The following GALNT13 variants were observed in gnomAD, a reference collection of about 807,000 sequenced individuals.
The protein encoded by GALNT13 is UDP-GalNAc:polypeptide N-acetylgalactosaminyltransferase 13.
GALNT13 carries 28 observed loss-of-function variants against 64.2 expected under a neutral mutation model. The observed-to-expected ratio is 0.44, with a 90% CI of 0.32 to 0.60. GALNT13 has a LOEUF of 0.60. Among genes scored for constraint, GALNT13 ranks in the 20% least tolerant of loss-of-function variants. The pLI, the probability that GALNT13 is intolerant of heterozygous loss-of-function variation, is 0.05. For synonymous variants in GALNT13, 214 were observed against 224.6 expected, an observed-to-expected ratio of 0.95 and a Z score of 0.42; for missense variants, 577 against 669.8, an observed-to-expected ratio of 0.86 and a Z score of 1.53.
chr2:153,621,783 C>G, the GALNT13 span, among the ~76,000 whole-genome samples: 1 of 152,068 alleles, frequency 6.6e-6, no homozygotes, highest in Non-Finnish European at 1.5e-5. Flanking sequence ...ATGACCCAAG[C>G]TCCTTTAAGT....
intron 4 of GALNT13, among the ~76,000 whole-genome samples, chr2:154,217,128 T>C (rs1420723542): frequency 1.3e-5 from 2 of 151,948 alleles, no homozygotes; most frequent in African/African-American, 4.8e-5. Flanking sequence ...AGTTGCTTCT[T>C]ACAAAAAGAC....
intron 2 of GALNT13, among the ~76,000 whole-genome samples, chr2:153,911,916 G>A (rs1271091399): frequency 6.6e-6 from 1 of 152,042 alleles, no homozygotes; most frequent in Admixed American, 6.6e-5. Flanking sequence ...TTTTGTGGGG[G>A]TTCTCTGCAT....
chr2:153,589,765 A>T, the GALNT13 span, among the ~76,000 whole-genome samples: 1 of 152,174 alleles, frequency 6.6e-6, no homozygotes, highest in African/African-American at 2.4e-5. Flanking sequence ...AGACTTATTC[A>T]CTATCACGAG....
chr2:154,087,778 G>T (rs1701606198), intron 3 of GALNT13, among the ~76,000 whole-genome samples: 1 of 152,032 alleles, frequency 6.6e-6, no homozygotes, highest in South Asian at 2.1e-4. Context: ...TGCCAGAACA[G>T]TATAATTTCA....
At chr2:153,404,031 C>T in the GALNT13 span, among the ~76,000 whole-genome samples, 1 of 152,132 alleles carries the variant, frequency 6.6e-6, no homozygotes, top group Non-Finnish European at 1.5e-5. Context: ...GTGTTTCTAC[C>T]AAACACTGCA....
intron 4 of GALNT13, among the ~76,000 whole-genome samples, chr2:154,240,864 CT>C (rs1311442696): frequency 2.0e-5 from 3 of 152,106 alleles, no homozygotes; most frequent in Non-Finnish European, 2.9e-5. Flanking sequence ...GTGGAGGTAG[CT>C]CTCAGCAGAT....
the GALNT13 span, among the ~76,000 whole-genome samples, chr2:153,267,506 A>G: frequency 1.3e-5 from 2 of 152,144 alleles, no homozygotes; most frequent in Admixed American, 6.5e-5. Context: ...TGGGGCTTGC[A>G]CCCTCTAAAG....
the GALNT13 span, among the ~76,000 whole-genome samples, chr2:153,541,068 GC>G: frequency 6.6e-6 from 1 of 152,088 alleles, no homozygotes; most frequent in Non-Finnish European, 1.5e-5. Context: ...CTGTGTCCCT[GC>G]CCAAATCTTA....
chr2:153,595,260 A>G, the GALNT13 span, among the ~76,000 whole-genome samples: 429 of 150,208 alleles, frequency 2.9e-3, 9 homozygotes, highest in Admixed American at 0.023. Context: ...TTTGATGGGG[A>G]AAAAAAATCA....
At chr2:153,244,129 G>A in the GALNT13 span, among the ~76,000 whole-genome samples, 1 of 151,168 alleles carries the variant, frequency 6.6e-6, no homozygotes, top group African/African-American at 2.5e-5. Flanking sequence ...AAGGGAACGA[G>A]AAGAGACAGA....
At chr2:153,096,650 G>A in the GALNT13 span, among the ~76,000 whole-genome samples, 1 of 152,022 alleles carries the variant, frequency 6.6e-6, no homozygotes, top group Non-Finnish European at 1.5e-5. Flanking sequence ...TTTGGCCTTG[G>A]AATCTATTTT....
chr2:153,590,911 A>C, the GALNT13 span, among the ~76,000 whole-genome samples: 2 of 152,132 alleles, frequency 1.3e-5, no homozygotes, highest in Non-Finnish European at 2.9e-5. Flanking sequence ...CTGGAATGAG[A>C]TAAGGATGCT....
rs190669753 is a variant in GALNT13 at position 154,334,820 on chromosome 2, T to C, written c.1156+33231T>C. 7.0e-3 allele frequency among the ~76,000 whole-genome samples: 1,060 copies of C among 152,140 alleles called. 6 individuals are homozygous for C. The highest frequency in any genetic ancestry group is 0.012 in the Non-Finnish European group (831 of 67,944). ...ATGTAACAGCCAGAGTGATTCATTTTCCACCTGTTTCCTTAATTCACACCC... is the reference window on the plus strand; with the variant it reads ...ATGTAACAGCCAGAGTGATTCATTTCCCACCTGTTTCCTTAATTCACACCC... On this transcript the variant is annotated intron_variant, in intron 9 of 12. Coordinates refer to ENST00000392825, the MANE Select transcript of GALNT13 (RefSeq NM_052917.4).
chr2:153,429,410 GTAAT>G, the GALNT13 span, among the ~76,000 whole-genome samples: 5 of 152,074 alleles, frequency 3.3e-5, no homozygotes, highest in Non-Finnish European at 5.9e-5. Context: ...TTAAACATGT[GTAAT>G]TAACTTTAAA....
the GALNT13 span, among the ~76,000 whole-genome samples, chr2:153,305,103 G>C: frequency 2.0e-5 from 3 of 152,136 alleles, no homozygotes; most frequent in Non-Finnish European, 2.9e-5. Context: ...GCTTGGAATA[G>C]TAGGAGAGTA....
chr2:154,388,304 T>C (rs550382405), intron 9 of GALNT13, among the ~76,000 whole-genome samples: 1 of 152,306 alleles, frequency 6.6e-6, no homozygotes, highest in East Asian at 1.9e-4. Flanking sequence ...TATTTCAGAT[T>C]TTAATCCCTT....
intron 4 of GALNT13, among the ~76,000 whole-genome samples, chr2:154,230,427 C>T (rs1368796687): frequency 6.6e-6 from 1 of 152,000 alleles, no homozygotes; most frequent in African/African-American, 2.4e-5. Context: ...AATTCCTGTT[C>T]CAAAACAACA....
chr2:154,113,069 G>A (rs1340639147), intron 3 of GALNT13, among the ~76,000 whole-genome samples: 1 of 152,164 alleles, frequency 6.6e-6, no homozygotes, highest in South Asian at 2.1e-4. Context: ...AGTACAGGTG[G>A]CATGGTGCCT....
chr2:153,524,343 G>T, the GALNT13 span, among the ~76,000 whole-genome samples: 14 of 146,654 alleles, frequency 9.5e-5, no homozygotes, highest in African/African-American at 3.3e-4. Context: ...TTTTTTGGTG[G>T]AGCAAGATGG....
Sources: gnomAD v4.1 joint callset for allele counts (sites outside exome capture counted in the v4.1 genomes callset) on GRCh38, gnomAD v4.1.1 for gene constraint, MANE v1.5 for transcripts, NCBI Gene and HGNC (gene_info 2026-07-23, HGNC 2026-07-21) for gene names.